The following USP34 variants were observed in gnomAD, a reference collection of about 807,000 sequenced individuals.
USP34 encodes ubiquitin carboxyl-terminal hydrolase 34.
A neutral mutation model predicts 460.3 loss-of-function variants in USP34; 70 were observed. The observed-to-expected ratio is 0.15, with a 90% CI of 0.13 to 0.19. USP34 has a LOEUF of 0.19. Among genes scored for constraint, USP34 ranks in the 10% least tolerant of loss-of-function variants. The probability of loss-of-function intolerance (pLI) is 1.00; values close to 1 mark genes in which losing one functional copy is unlikely to be tolerated. For missense variants in USP34, 3,985 were observed against 4,236.2 expected, an observed-to-expected ratio of 0.94 and a Z score of 1.65; for synonymous variants, 1,647 against 1,405.3, an observed-to-expected ratio of 1.17 and a Z score of -3.85.
chr2:61,417,008 T>C, intron 2 of USP34: 2 of 1,326,776 alleles, frequency 1.5e-6, no homozygotes, highest in East Asian at 2.3e-5. Flanking sequence ...TTGAACTTGG[T>C]GAAGCCCCAC....
chr2:61,196,166 C>A (rs1168001449), intron 75 of USP34, among the ~76,000 whole-genome samples: 1 of 148,226 alleles, frequency 6.7e-6, no homozygotes, highest in Non-Finnish European at 1.5e-5. Flanking sequence ...CTGCAGCCTC[C>A]ACCTCCCGGG....
intron 1 of USP34, among the ~76,000 whole-genome samples, chr2:61,470,326 G>A (rs888369288): frequency 4.6e-5 from 7 of 152,122 alleles, no homozygotes; most frequent in Non-Finnish European, 7.4e-5. Context: ...GCAGGGCGAA[G>A]GAGGCGAAGG....
chr2:61,441,779 C>A (rs1432409956), intron 1 of USP34, among the ~76,000 whole-genome samples: 1 of 118,448 alleles, frequency 8.4e-6, no homozygotes, highest in African/African-American at 3.4e-5. Context: ...ACAGCCTGGG[C>A]AACAGAGAGA....
intron 1 of USP34, among the ~76,000 whole-genome samples, chr2:61,456,891 T>C (rs1027898441): frequency 1.3e-5 from 2 of 151,930 alleles, no homozygotes; most frequent in African/African-American, 2.4e-5. Context: ...GGCAGGAGGA[T>C]AGCTTGGCCC....
chr2:61,248,198 A>C (rs1182415918), intron 49 of USP34, among the ~76,000 whole-genome samples: 23 of 151,412 alleles, frequency 1.5e-4, no homozygotes, highest in African/African-American at 5.6e-4. Flanking sequence ...AAAAAAAAAA[A>C]AAAAAAAACC....
chr2:61,217,051 A>G (rs1324379689), intron 67 of USP34, among the ~76,000 whole-genome samples: 1 of 152,186 alleles, frequency 6.6e-6, no homozygotes, highest in African/African-American at 2.4e-5. Context: ...CCGAGATTCT[A>G]CAATTAACAT....
At chr2:61,326,258 A>G (rs1415591371) in intron 20 of USP34, among the ~76,000 whole-genome samples, 1 of 152,136 alleles carries the variant, frequency 6.6e-6, no homozygotes. Context: ...TCTAGGCTGG[A>G]GTGCAGTGAC....
At position 61,236,252 on chromosome 2, in the gene USP34, A is replaced by G; in HGVS notation, c.6843-16T>C. On this transcript the variant is annotated splice_polypyrimidine_tract_variant and intron_variant, in intron 54 of 79. Coordinates refer to ENST00000398571, the MANE Select transcript of USP34 (RefSeq NM_014709.4). ...CCACATAAATCTAGAATTTAAAAAT[A>G]ATCATTTAAAATTCACACGTAAGAT... 1 of 1,602,460 alleles carries G rather than the reference A, an allele frequency of 6.2e-7. No homozygotes were observed. The highest frequency in any genetic ancestry group is 1.7e-5 in the Admixed American group (1 of 57,644).
intron 10 of USP34, among the ~76,000 whole-genome samples, chr2:61,358,847 A>G (rs1692186517): frequency 6.6e-6 from 1 of 152,222 alleles, no homozygotes; most frequent in African/African-American, 2.4e-5. Context: ...AAGAAAATTA[A>G]GAAAGTAACA....
intron 53 of USP34, among the ~76,000 whole-genome samples, chr2:61,241,278 G>A (rs181361993): frequency 5.3e-5 from 8 of 152,104 alleles, no homozygotes; most frequent in Non-Finnish European, 8.8e-5. Flanking sequence ...CCCTGACCTC[G>A]TGATCTACCC....
Position 61,312,038 on chromosome 2 carries a change from T to C in USP34, c.3543-128A>G, listed in dbSNP as rs1690608830. On this transcript the variant is annotated intron_variant, in intron 25 of 79. Transcript: ENST00000398571. ...GTTCTAAGTTCATTCCAATGTATTC[T>C]ACAGCAACAAATTTAAGTTCAGATT... The C allele has an allele frequency of 5.3e-6, 6 of 1,123,494 alleles. No individual in the cohort carries two copies. In the South Asian group the frequency reaches 1.2e-4, roughly 22 times the overall value. 69.6% of individuals were successfully genotyped at this position (1,123,494 alleles called of 1,614,324 possible).
intron 75 of USP34, among the ~76,000 whole-genome samples, chr2:61,198,095 T>G (rs1241913608): frequency 6.6e-6 from 1 of 152,104 alleles, no homozygotes; most frequent in East Asian, 1.9e-4. Flanking sequence ...AAATAACTTA[T>G]TAAAATTACA....
At chr2:61,420,592 CT>C (rs1694326442) in intron 2 of USP34, among the ~76,000 whole-genome samples, 153 bp downstream of exon 2, 1 of 152,072 alleles carries the variant, frequency 6.6e-6, no homozygotes, top group Non-Finnish European at 1.5e-5. Context: ...CATGATCGAC[CT>C]CATGAGTAAA....
chr2:61,311,153 G>A (rs1486678576), intron 27 of USP34, among the ~76,000 whole-genome samples: 1 of 152,134 alleles, frequency 6.6e-6, no homozygotes, highest in Non-Finnish European at 1.5e-5. Flanking sequence ...AATCTCCAAT[G>A]CAACAGGTTT....
In USP34 at chr2:61,464,478, T is replaced by C. The variant is rs139292098; in HGVS notation, c.43+6172A>G. Among the ~76,000 whole-genome samples, 413 of 152,330 alleles carry C rather than the reference T, an allele frequency of 2.7e-3. 1 individual carries two copies. Among genetic ancestry groups the C allele is most frequent in the Non-Finnish European group, 5.2e-3 (357 of 68,026 alleles). ...AGTTCAACTTTTTCACCAAATGGTA[T>C]TGGGATACAACACTTGCTCTTGCCT... On this transcript the variant is annotated intron_variant, in intron 1 of 79. Coordinates refer to ENST00000398571, the MANE Select transcript of USP34 (RefSeq NM_014709.4).
intron 5 of USP34, among the ~76,000 whole-genome samples, chr2:61,385,671 CAAAAAAA>C (rs61200102): frequency 1.1e-4 from 5 of 46,000 alleles, no homozygotes; most frequent in Admixed American, 7.4e-4. Context: ...GACTCTGTCT[CAAAAAAA>C]AAAAAAAAAA....
chr2:61,285,486 CA>C (rs35055379), intron 34 of USP34, among the ~76,000 whole-genome samples: 18,352 of 108,314 alleles, frequency 0.17, 1,390 homozygotes, highest in South Asian at 0.35. Flanking sequence ...GAATCTGTCT[CA>C]AAAAAAAAAA....
At chr2:61,465,532 C>T (rs997145244) in intron 1 of USP34, among the ~76,000 whole-genome samples, 2 of 152,198 alleles carry the variant, frequency 1.3e-5, no homozygotes, top group Non-Finnish European at 2.9e-5. Context: ...ACACTTGTGT[C>T]TACCCTTTCA....
At chr2:61,343,587 T>C (rs1691670065) in intron 16 of USP34, among the ~76,000 whole-genome samples, 1 of 152,216 alleles carries the variant, frequency 6.6e-6, no homozygotes, top group African/African-American at 2.4e-5. Context: ...TATATTTTCT[T>C]TCCCCGCTGA....
Sources: gnomAD v4.1 joint callset for allele counts (sites outside exome capture counted in the v4.1 genomes callset) on GRCh38, gnomAD v4.1.1 for gene constraint, MANE v1.5 for transcripts, NCBI Gene and HGNC (gene_info 2026-07-23, HGNC 2026-07-21) for gene names.